ZNF98: variants seen among roughly 807,000 people sequenced by gnomAD.
ZNF98 encodes zinc finger protein 739.
A neutral mutation model predicts 12.8 loss-of-function variants in ZNF98; 8 were observed. That is an observed-to-expected ratio of 0.63 (90% confidence interval 0.37 to 1.13). The LOEUF is 1.13. Ranked by LOEUF, ZNF98 falls within the 50% of genes most tolerant of loss-of-function variation. ZNF98 has a pLI of 0.01. For missense variants in ZNF98, 379 were observed against 666.1 expected (o/e 0.57, Z 4.74); for synonymous variants, 112 against 223.5 (o/e 0.50, Z 4.45).
At chr19:22,411,099 G>C (rs921036098) in intron 1 of ZNF98, among the ~76,000 whole-genome samples, 107 of 150,944 alleles carry the variant, frequency 7.1e-4, no homozygotes, top group Non-Finnish European at 8.9e-5. Context: ...CTAGAGTGCA[G>C]TGGCGAGATC....
intron 1 of ZNF98, among the ~76,000 whole-genome samples, chr19:22,408,877 A>G (rs909990128): frequency 9.2e-5 from 14 of 152,162 alleles, no homozygotes; most frequent in African/African-American, 2.4e-4. Flanking sequence ...TAATTTATGG[A>G]CTCAATGTTA....
At chr19:22,397,212 TTGTGTGTG>T (rs3084811) in intron 3 of ZNF98, among the ~76,000 whole-genome samples, 1 of 145,326 alleles carries the variant, frequency 6.9e-6, no homozygotes, top group South Asian at 2.2e-4. Flanking sequence ...GTGTGTGTTT[TTGTGTGTG>T]TGTGTGTGTG....
chr19:22,409,059 C>A (rs1969552613), intron 1 of ZNF98, among the ~76,000 whole-genome samples: 1 of 152,110 alleles, frequency 6.6e-6, no homozygotes, highest in South Asian at 2.1e-4. Context: ...ACTACAATAA[C>A]CAAAACAACA....
chr19:22,422,094 G>C (rs1969711055), intron 1 of ZNF98, 101 bp downstream of exon 1: 2 of 1,436,320 alleles, frequency 1.4e-6, no homozygotes, highest in Non-Finnish European at 2.0e-6. Context: ...CACGGATTGT[G>C]GAGCTGACAG....
At chr19:22,416,584 C>T (rs1212596688) in intron 1 of ZNF98, among the ~76,000 whole-genome samples, 31 of 150,506 alleles carry the variant, frequency 2.1e-4, no homozygotes, top group Non-Finnish European at 3.0e-5. Context: ...AAGACCCTGT[C>T]TCTACTAAAA....
chr19:22,414,470 A>T (rs1480157160), intron 1 of ZNF98, among the ~76,000 whole-genome samples: 1 of 152,186 alleles, frequency 6.6e-6, no homozygotes, highest in African/African-American at 2.4e-5. Flanking sequence ...TGAAGTCATT[A>T]CATTACCTGA....
At chr19:22,408,691 G>T (rs1455937465) in intron 1 of ZNF98, among the ~76,000 whole-genome samples, 1 of 151,968 alleles carries the variant, frequency 6.6e-6, no homozygotes, top group African/African-American at 2.4e-5. Flanking sequence ...CATCACAATT[G>T]CTACAAAAAG....
chr19:22,403,643 A>C, intron 1 of ZNF98, 131 bp from the exon 2 acceptor site: 1 of 926,410 alleles, frequency 1.1e-6, no homozygotes, highest in Non-Finnish European at 1.6e-6. Context: ...TATTTAATAA[A>C]TAACTTTCAG....
At chr19:22,406,987 C>A (rs1460696720) in intron 1 of ZNF98, among the ~76,000 whole-genome samples, 4 of 152,054 alleles carry the variant, frequency 2.6e-5, no homozygotes, top group African/African-American at 9.7e-5. Context: ...CTCCACTGAG[C>A]TAAAGGAGCA....
At chr19:22,416,816 C>T (rs1488746478) in intron 1 of ZNF98, among the ~76,000 whole-genome samples, 1 of 151,232 alleles carries the variant, frequency 6.6e-6, no homozygotes, top group African/African-American at 2.5e-5. Context: ...AACATGCACA[C>T]ACACACATAC....
intron 1 of ZNF98, among the ~76,000 whole-genome samples, chr19:22,405,778 A>C (rs1453079903): frequency 6.6e-6 from 1 of 152,158 alleles, no homozygotes; most frequent in African/African-American, 2.4e-5. Flanking sequence ...GGGGAGGGGC[A>C]GCAACCATCT....
chr19:22,393,666 C>T (rs1320350743), intron 3 of ZNF98, among the ~76,000 whole-genome samples: 7 of 152,002 alleles, frequency 4.6e-5, no homozygotes, highest in Admixed American at 1.3e-4. Flanking sequence ...CTTCCTTACA[C>T]CTTATACAAA....
chr19:22,420,705 T>C (rs1472291418), intron 1 of ZNF98, among the ~76,000 whole-genome samples: 1 of 152,152 alleles, frequency 6.6e-6, no homozygotes, highest in African/African-American at 2.4e-5. Flanking sequence ...ACAGCAGTTA[T>C]CTTGGTTTAT....
intron 1 of ZNF98, among the ~76,000 whole-genome samples, chr19:22,421,600 A>C (rs1028686153): frequency 6.6e-6 from 1 of 152,196 alleles, no homozygotes; most frequent in African/African-American, 2.4e-5. Context: ...TCTAGGCTTA[A>C]AGTGAAAATT....
chr19:22,402,630 C>T (rs1685834328), intron 3 of ZNF98, 159 bp downstream of exon 3: 14 of 691,678 alleles, frequency 2.0e-5, no homozygotes, highest in Non-Finnish European at 3.1e-5. Flanking sequence ...ACAGAAGATG[C>T]TTCTATGTGA....
At chr19:22,401,953 G>A (rs1225680097) in intron 3 of ZNF98, among the ~76,000 whole-genome samples, 1 of 150,128 alleles carries the variant, frequency 6.7e-6, no homozygotes, top group Admixed American at 6.6e-5. Flanking sequence ...AAGGCAGGCG[G>A]ATCACAAGGT....
chr19:22,414,159 G>A (rs1030575159), intron 1 of ZNF98, among the ~76,000 whole-genome samples: 28 of 140,304 alleles, frequency 2.0e-4, no homozygotes, highest in African/African-American at 7.0e-4. Flanking sequence ...GCTTGAACCC[G>A]AGAAGGAGAA....
intron 3 of ZNF98, among the ~76,000 whole-genome samples, chr19:22,398,836 A>C (rs1169712444): frequency 6.6e-6 from 1 of 152,188 alleles, no homozygotes; most frequent in Non-Finnish European, 1.5e-5. Context: ...CAAGGTGAAA[A>C]TAAGACTATT....
chr19:22,419,499 G>A (rs1969681074), intron 1 of ZNF98, among the ~76,000 whole-genome samples: 1 of 152,124 alleles, frequency 6.6e-6, no homozygotes, highest in Non-Finnish European at 1.5e-5. Context: ...GCCTTAGCTT[G>A]GAGTCACTAG....
Sources: allele counts gnomAD v4.1 joint callset (sites outside exome capture counted in the v4.1 genomes callset), GRCh38; gene constraint gnomAD v4.1.1; transcripts MANE v1.5; gene names NCBI Gene and HGNC (gene_info 2026-07-23, HGNC 2026-07-21).